The following NAV1 variants were observed in gnomAD, a reference collection of about 807,000 sequenced individuals.
The protein encoded by NAV1 is neuron navigator 1.
A neutral mutation model predicts 175.2 loss-of-function variants in NAV1; 18 were observed. The ratio of observed to expected loss-of-function variants is 0.10; its 90% CI spans 0.07 to 0.15. The LOEUF (loss-of-function observed/expected upper bound fraction) is 0.15, where lower values mean the gene tolerates loss of function less well. Among genes scored for constraint, NAV1 ranks in the 10% least tolerant of loss-of-function variants. The probability of loss-of-function intolerance (pLI) is 1.00; values close to 1 mark genes in which losing one functional copy is unlikely to be tolerated. For missense variants in NAV1, 1,731 were observed against 2,436.6 expected, an observed-to-expected ratio of 0.71 and a Z score of 6.10; for synonymous variants, 897 against 978.7, an observed-to-expected ratio of 0.92 and a Z score of 1.56.
intron 1 of NAV1, among the ~76,000 whole-genome samples, chr1:201,677,375 C>T (rs547260775): frequency 6.6e-6 from 1 of 152,072 alleles, no homozygotes; most frequent in African/African-American, 2.4e-5. Context: ...TGTTGTGATC[C>T]CTGCAAGTTT....
At chr1:201,733,184 T>G (rs1421014400) in intron 3 of NAV1, among the ~76,000 whole-genome samples, 1 of 150,312 alleles carries the variant, frequency 6.7e-6, no homozygotes, top group Non-Finnish European at 1.5e-5. Context: ...ATCGAGACCA[T>G]CCTGGCCAAC....
At chr1:201,541,857 T>C (rs1557989113) in intron 1 of NAV1, among the ~76,000 whole-genome samples, 1 of 152,148 alleles carries the variant, frequency 6.6e-6, no homozygotes. Flanking sequence ...ATCAACTCAG[T>C]TTGGGCCCAG....
chr1:201,655,512 T>C (rs1207741289), intron 1 of NAV1, among the ~76,000 whole-genome samples: 1 of 152,120 alleles, frequency 6.6e-6, no homozygotes, highest in East Asian at 1.9e-4. Flanking sequence ...TTCCCTCCTA[T>C]AGGAGGCAGA....
chr1:201,789,665 G>A, intron 10 of NAV1, 75 bp from the exon 15 acceptor site: 1 of 1,360,182 alleles, frequency 7.4e-7, no homozygotes, highest in Non-Finnish European at 1.1e-6. Flanking sequence ...CCAAACTCCT[G>A]CCTTAGGGAG....
intron 3 of NAV1, among the ~76,000 whole-genome samples, chr1:201,728,253 C>A (rs1274786567): frequency 6.6e-6 from 1 of 152,052 alleles, no homozygotes; most frequent in Non-Finnish European, 1.5e-5. Context: ...TCCTGAGTAG[C>A]TGGGACTAGA....
intron 2 of NAV1, among the ~76,000 whole-genome samples, chr1:201,609,112 T>A (rs191580626): frequency 3.0e-4 from 45 of 152,338 alleles, no homozygotes; most frequent in Middle Eastern, 6.8e-3. Context: ...TGGAGTCCTG[T>A]CCAGTGTTCT....
At chr1:201,552,474 G>T (rs1374535536) in intron 1 of NAV1, among the ~76,000 whole-genome samples, 2 of 140,348 alleles carry the variant, frequency 1.4e-5, no homozygotes, top group East Asian at 4.4e-4. Flanking sequence ...CCACCTCTTT[G>T]CTTCCTTGAC....
At chr1:201,748,616 TG>T (rs1243488696) in intron 3 of NAV1, among the ~76,000 whole-genome samples, 1 of 152,356 alleles carries the variant, frequency 6.6e-6, no homozygotes, top group Non-Finnish European at 1.5e-5. Flanking sequence ...GGAGCATTCC[TG>T]CTATCTGAGA....
chr1:201,789,521 C>G (rs1200796848), intron 10 of NAV1, among the ~76,000 whole-genome samples: 1 of 152,126 alleles, frequency 6.6e-6, no homozygotes, highest in East Asian at 1.9e-4. Context: ...ACTGCCATAC[C>G]CAGGCTGCCA....
intron 1 of NAV1, among the ~76,000 whole-genome samples, chr1:201,544,516 G>A (rs553229226): frequency 1.3e-5 from 2 of 152,214 alleles, no homozygotes; most frequent in East Asian, 3.9e-4. Context: ...CCCCTCAGAG[G>A]TCATCCAGCT....
At chr1:201,822,829 G>A (rs1679465694) in exon 30 of NAV1, 1 of 152,630 alleles carries the variant, frequency 6.6e-6, no homozygotes, top group South Asian at 2.1e-4. Flanking sequence ...TCTCATGAAG[G>A]AATCACAGTT....
In NAV1 at chr1:201,606,534, G is replaced by A. The variant is rs575852800; in HGVS notation, c.-32-16319G>A. ...TTCACAGGCAGAAGAGCATCTTTGC[G>A]TCTCCAAACTCCAAACAGAAGGACT... On this transcript the variant is annotated intron_variant, in intron 2 of 33. Transcript: ENST00000685211. Among the ~76,000 whole-genome samples, 6 of 152,272 alleles carry A rather than the reference G, an allele frequency of 3.9e-5. No homozygotes were observed. The East Asian group carries it at 7.7e-4, about 20-fold the overall frequency.
intron 1 of NAV1, among the ~76,000 whole-genome samples, chr1:201,540,903 C>A (rs967858302): frequency 6.6e-6 from 1 of 152,152 alleles, no homozygotes; most frequent in African/African-American, 2.4e-5. Context: ...AAAATCGCTA[C>A]GGTTGGAAGA....
intron 17 of NAV1, among the ~76,000 whole-genome samples, chr1:201,805,247 C>T (rs1032162822): frequency 2.6e-5 from 4 of 152,016 alleles, no homozygotes; most frequent in Non-Finnish European, 2.9e-5. Flanking sequence ...ACTGGGGAGA[C>T]CAAAAAAATT....
At chr1:201,786,377 C>A in intron 8 of NAV1, 52 bp from the exon 13 acceptor site, 2 of 1,572,260 alleles carry the variant, frequency 1.3e-6, no homozygotes, top group Non-Finnish European at 1.7e-6. Context: ...CCAACTAAAC[C>A]TCTGACCGCA....
chr1:201,552,864 C>T (rs148084284), intron 1 of NAV1, among the ~76,000 whole-genome samples: 2 of 152,282 alleles, frequency 1.3e-5, no homozygotes, highest in East Asian at 1.9e-4. Context: ...TGGATGTTTA[C>T]GTATCAGACA....
At chr1:201,584,718 G>GCCCTGC (rs1380604647) in intron 1 of NAV1, among the ~76,000 whole-genome samples, 6 of 152,310 alleles carry the variant, frequency 3.9e-5, no homozygotes, top group Admixed American at 3.9e-4. Flanking sequence ...TAGCCCATCA[G>GCCCTGC]CCCTGCTGAC....
At chr1:201,766,962 C>T (rs955022756) in intron 3 of NAV1, among the ~76,000 whole-genome samples, 3 of 151,624 alleles carry the variant, frequency 2.0e-5, no homozygotes, top group Admixed American at 6.6e-5. Context: ...GCTGGGATTA[C>T]AGGCACGCAC....
chr1:201,559,861 G>A (rs1004191370), intron 1 of NAV1, among the ~76,000 whole-genome samples: 1 of 152,200 alleles, frequency 6.6e-6, no homozygotes, highest in Non-Finnish European at 1.5e-5. Context: ...GCAGAACCCA[G>A]CCCGATCCCC....
Sources: gnomAD v4.1 joint callset for allele counts (sites outside exome capture counted in the v4.1 genomes callset) on GRCh38, gnomAD v4.1.1 for gene constraint, MANE v1.5 for transcripts, NCBI Gene and HGNC (gene_info 2026-07-23, HGNC 2026-07-21) for gene names.